The following CALN1 variants were observed in gnomAD, a reference collection of about 807,000 sequenced individuals.
CALN1 encodes calcium-binding protein 8.
A neutral mutation model predicts 30.6 loss-of-function variants in CALN1; 17 were observed. That is an observed-to-expected ratio of 0.56 (90% confidence interval 0.38 to 0.83). The LOEUF is 0.83. CALN1 is among the 40% of genes least tolerant of loss of function. The pLI is 0.00. For synonymous variants in CALN1, 156 were observed against 131.4 expected, an observed-to-expected ratio of 1.19 and a Z score of -1.28; for missense variants, 291 against 354.9, an observed-to-expected ratio of 0.82 and a Z score of 1.45.
chr7:72,399,935 G>GC (rs1452271537), intron 2 of CALN1, among the ~76,000 whole-genome samples: 1 of 152,070 alleles, frequency 6.6e-6, no homozygotes, highest in Non-Finnish European at 1.5e-5. Flanking sequence ...AAAGAGCCTG[G>GC]CATCTCTCTT....
chr7:72,375,844 G>C (rs1267896285), intron 2 of CALN1, among the ~76,000 whole-genome samples: 1 of 152,026 alleles, frequency 6.6e-6, no homozygotes, highest in Non-Finnish European at 1.5e-5. Context: ...TTACCATGTT[G>C]TATAACTATT....
intron 2 of CALN1, among the ~76,000 whole-genome samples, chr7:72,302,802 C>T (rs374102979): frequency 6.5e-5 from 9 of 139,216 alleles, no homozygotes; most frequent in East Asian, 4.6e-4. Context: ...GACTGAGGCA[C>T]GAGAATTGCT....
intron 5 of CALN1, among the ~76,000 whole-genome samples, chr7:71,933,282 G>T (rs765064553): frequency 6.6e-6 from 1 of 152,160 alleles, no homozygotes; most frequent in African/African-American, 2.4e-5. Context: ...GCTTCCCTGC[G>T]TGGTACGTAA....
chr7:72,341,001 G>C (rs189099172), intron 2 of CALN1, among the ~76,000 whole-genome samples: 47 of 152,182 alleles, frequency 3.1e-4, no homozygotes, highest in African/African-American at 1.1e-3. Flanking sequence ...AAATTACCCA[G>C]TCTCAGCTAT....
intron 4 of CALN1, among the ~76,000 whole-genome samples, chr7:72,035,911 C>T (rs1484269288): frequency 1.3e-5 from 2 of 152,168 alleles, no homozygotes; most frequent in African/African-American, 4.8e-5. Flanking sequence ...TTTATGATTG[C>T]CCACATAATT....
intron 3 of CALN1, among the ~76,000 whole-genome samples, chr7:72,192,940 C>T (rs1400777083): frequency 6.6e-6 from 1 of 151,828 alleles, no homozygotes; most frequent in African/African-American, 2.4e-5. Context: ...GTAATCCCAG[C>T]ACTCTGGGAT....
At chr7:71,798,123 C>CAGAGAGAG (rs3973907) in intron 6 of CALN1, among the ~76,000 whole-genome samples, 101 of 71,014 alleles carry the variant, frequency 1.4e-3, no homozygotes, top group Non-Finnish European at 2.0e-3. Flanking sequence ...GAGACAGAGA[C>CAGAGAGAG]AGAGAGAGAG....
the CALN1 span, among the ~76,000 whole-genome samples, chr7:72,487,734 A>AAAGAAAGG: frequency 4.4e-4 from 25 of 56,594 alleles, 1 homozygote; most frequent in South Asian, 1.2e-3. Flanking sequence ...AGAAAGAAAG[A>AAAGAAAGG]AAGGAAGGAA....
chr7:71,829,765 T>C (rs970671619), intron 5 of CALN1, among the ~76,000 whole-genome samples: 5 of 152,176 alleles, frequency 3.3e-5, no homozygotes, highest in East Asian at 1.9e-4. Context: ...GTCTGCACTG[T>C]CTGGGGATGA....
At chr7:72,492,534 G>GCCTA in the CALN1 span, among the ~76,000 whole-genome samples, 4 of 80,638 alleles carry the variant, frequency 5.0e-5, no homozygotes, top group African/African-American at 1.3e-4. Flanking sequence ...TGGAAGCAAG[G>GCCTA]CCTTGCCACC....
At chr7:71,814,654 C>T (rs1584279126) in intron 5 of CALN1, among the ~76,000 whole-genome samples, 1 of 152,128 alleles carries the variant, frequency 6.6e-6, no homozygotes, top group East Asian at 1.9e-4. Context: ...CTTCCTCCTC[C>T]TCCACCTACT....
chr7:72,357,647 C>T (rs1243276395), intron 2 of CALN1, among the ~76,000 whole-genome samples: 3 of 151,434 alleles, frequency 2.0e-5, no homozygotes, highest in African/African-American at 7.3e-5. Flanking sequence ...GCCCAGACAA[C>T]AGTAGTTGAA....
Position 71,781,800 on chromosome 7 carries a change from G to A in CALN1, c.*5975C>T, listed in dbSNP as rs952122262. 5 of 152,202 alleles carry A rather than the reference G, an allele frequency of 3.3e-5. No individual in the cohort carries two copies. The highest frequency in any genetic ancestry group is 6.5e-5 in the Admixed American group (1 of 15,276). 9.4% of individuals were successfully genotyped at this position (152,202 alleles called of 1,614,324 possible). On this transcript the variant is annotated 3_prime_UTR_variant, in exon 7 of 7. Coordinates refer to ENST00000395275, the MANE Select transcript of CALN1 (RefSeq NM_031468.4). ...AGTCTATGCCCGGCATGGGGGTTGT[G>A]CTCAACTGATGAACTACCCCAAGGT...
chr7:72,023,629 T>C (rs1800858374), intron 5 of CALN1, 28 bp downstream of exon 5: 1 of 1,556,608 alleles, frequency 6.4e-7, no homozygotes, highest in East Asian at 2.2e-5. Flanking sequence ...CTGTCAAACT[T>C]AGTCTGAAAA....
chr7:72,286,277 T>C (rs1798072754), intron 2 of CALN1, among the ~76,000 whole-genome samples: 1 of 152,156 alleles, frequency 6.6e-6, no homozygotes, highest in East Asian at 1.9e-4. Context: ...CCCACCACCA[T>C]CTCTTCCACC....
In CALN1 at chr7:71,919,394, T is replaced by C. The variant is rs1369614169; in HGVS notation, c.501+104263A>G. 2.6e-5 allele frequency among the ~76,000 whole-genome samples: 4 copies of C among 152,244 alleles called. No homozygotes were observed. The East Asian group carries it at 5.8e-4, about 22-fold the overall frequency. On this transcript the variant is annotated intron_variant, in intron 5 of 6. Coordinates refer to ENST00000395275, the MANE Select transcript of CALN1 (RefSeq NM_031468.4). ...CAAAGCAGTGGGCTGACTTCATTCA[T>C]TCATTGATTCGTGCATTTCATTCAG...
Position 71,780,233 on chromosome 7 carries a change from A to C in CALN1, c.*7542T>G, listed in dbSNP as rs1198905214. 1 of 152,148 alleles carries C rather than the reference A, an allele frequency of 6.6e-6. No individual in the cohort carries two copies. The highest frequency in any genetic ancestry group is 1.9e-4 in the East Asian group (1 of 5,204). The allele number at this position is 152,148 out of a possible 1,614,324, so 9.4% of individuals were successfully genotyped here. On this transcript the variant is annotated 3_prime_UTR_variant, in exon 7 of 7. Transcript: ENST00000395275. ...GCTAAGAAAGAGAAAATATGCTTTA[A>C]TTTTCCTTGGAGAGAGTTGAGAGCC...
chr7:72,370,430 G>A (rs892179220), intron 2 of CALN1, among the ~76,000 whole-genome samples: 7 of 151,978 alleles, frequency 4.6e-5, no homozygotes, highest in African/African-American at 9.7e-5. Context: ...TGAGGCAGGC[G>A]GATCACGAGG....
chr7:71,961,547 A>ACATGAAATCTGCAAACTTCTTTCTCT (rs1330598801), intron 5 of CALN1, among the ~76,000 whole-genome samples: 40 of 152,210 alleles, frequency 2.6e-4, no homozygotes, highest in Non-Finnish European at 5.9e-5. Flanking sequence ...GGGTACTGTT[A>ACATGAAATCTGCAAACTTCTTTCTCT]CATGAAATCT....
Sources: allele counts gnomAD v4.1 joint callset (sites outside exome capture counted in the v4.1 genomes callset), GRCh38; gene constraint gnomAD v4.1.1; transcripts MANE v1.5; gene names NCBI Gene and HGNC (gene_info 2026-07-23, HGNC 2026-07-21).